Variants in ADCY2 observed in about 807,000 individuals in gnomAD.
ADCY2 encodes the protein adenylate cyclase type 2.
In ADCY2, 31 loss-of-function variants were observed where a neutral mutation model predicts 125.2. The ratio of observed to expected loss-of-function variants is 0.25; its 90% confidence interval spans 0.19 to 0.33. The LOEUF (loss-of-function observed/expected upper bound fraction) is 0.33. Ranked by LOEUF, ADCY2 falls within the 10% of genes least tolerant of loss-of-function variation. The probability of loss-of-function intolerance (pLI) is 1.00; values close to 1 mark genes in which losing one functional copy is unlikely to be tolerated. For synonymous variants in ADCY2, 512 were observed against 548.4 expected (o/e 0.93, Z 0.93); for missense variants, 904 against 1,418.2 (o/e 0.64, Z 5.82).
chr5:7,484,784 A>T (rs1579491087), intron 2 of ADCY2, among the ~76,000 whole-genome samples: 1 of 152,106 alleles, frequency 6.6e-6, no homozygotes, highest in South Asian at 2.1e-4. Flanking sequence ...TCTCTTCTGC[A>T]TCCTAAAAAT....
chr5:7,564,323 G>C (rs1735818793), intron 3 of ADCY2, among the ~76,000 whole-genome samples: 1 of 152,178 alleles, frequency 6.6e-6, no homozygotes, highest in Admixed American at 6.5e-5. Flanking sequence ...ATTGTAATGA[G>C]GGATGTATTA....
In ADCY2 at chr5:7,757,440, T is replaced by C. The variant is rs73047014; in HGVS notation, c.1957-9T>C. ...CAATGCTTCTCTTTTTCTTTCTCTC[T>C]TCTCCTAGCAATGCAGCAAAAAAGC... On this transcript the variant is annotated splice_polypyrimidine_tract_variant and intron_variant, in intron 15 of 24. Coordinates refer to ENST00000338316, the MANE Select transcript of ADCY2 (RefSeq NM_020546.3). 3.7e-4 allele frequency: 590 copies of C among 1,611,786 alleles called. 2 individuals are homozygous for C. In the African/African-American group the frequency reaches 6.4e-3, roughly 17 times the overall value.
chr5:7,788,648 G>A (rs1744157434), intron 19 of ADCY2, among the ~76,000 whole-genome samples: 1 of 152,168 alleles, frequency 6.6e-6, no homozygotes, highest in African/African-American at 2.4e-5. Context: ...ATTTCAAAAT[G>A]TGGATTTTAA....
At chr5:7,625,721 G>T (rs572087705) in intron 3 of ADCY2, among the ~76,000 whole-genome samples, 11 of 152,270 alleles carry the variant, frequency 7.2e-5, no homozygotes, top group African/African-American at 2.2e-4. Flanking sequence ...CACAATAATA[G>T]ACTGCAGGTT....
chr5:7,646,929 T>C (rs920718341), intron 4 of ADCY2, among the ~76,000 whole-genome samples: 7 of 152,312 alleles, frequency 4.6e-5, no homozygotes, highest in Admixed American at 3.9e-4. Flanking sequence ...CAGGTTTTAT[T>C]TGGGAACACT....
chr5:7,441,033 A>T (rs1282605500), intron 2 of ADCY2, among the ~76,000 whole-genome samples: 1 of 152,170 alleles, frequency 6.6e-6, no homozygotes, highest in African/African-American at 2.4e-5. Flanking sequence ...CCTTTGGAGG[A>T]TGGGAGCTCA....
chr5:7,748,523 C>CACACACACACACACACAG (rs1742703914), intron 15 of ADCY2, among the ~76,000 whole-genome samples: 1 of 42,434 alleles, frequency 2.4e-5, no homozygotes, highest in African/African-American at 5.5e-5. Context: ...CCCTCCAACA[C>CACACACACACACACACAG]ACACACACAC....
intron 4 of ADCY2, among the ~76,000 whole-genome samples, chr5:7,662,503 C>A (rs1002200980): frequency 6.6e-6 from 1 of 152,234 alleles, no homozygotes; most frequent in Non-Finnish European, 1.5e-5. Context: ...TCCTGCCTCT[C>A]TCTGCATGGC....
At chr5:7,732,624 C>T (rs376877793) in intron 14 of ADCY2, among the ~76,000 whole-genome samples, 1 of 152,226 alleles carries the variant, frequency 6.6e-6, no homozygotes, top group East Asian at 1.9e-4. Flanking sequence ...GTGGCTCTCA[C>T]TTCTGTTGAC....
At chr5:7,650,435 G>A (rs1179676555) in intron 4 of ADCY2, among the ~76,000 whole-genome samples, 2 of 152,018 alleles carry the variant, frequency 1.3e-5, no homozygotes, top group African/African-American at 4.8e-5. Flanking sequence ...AATTAGATTC[G>A]ATTAAGTAAA....
At position 7,802,084 on chromosome 5, in the gene ADCY2, G is replaced by A. The variant is rs1744614694; in HGVS notation, c.2629-134G>A. The A allele has an allele frequency of 1.0e-6, 1 of 977,046 alleles. No homozygotes were observed. Among genetic ancestry groups the A allele is most frequent in the African/African-American group, 1.6e-5 (1 of 61,430 alleles). 60.5% of individuals were successfully genotyped at this position (977,046 alleles called of 1,614,324 possible). ...GCAGCATCTGGATTGGGCCGCGGCT[G>A]GGGTGGGGCAAGTGGAGTAGGCATT... On this transcript the variant is annotated intron_variant, in intron 20 of 24. Transcript: ENST00000338316. This position sits in a 1 kb window ranked among gnomAD's most constrained non-coding sequence, Gnocchi z 4.6.
intron 2 of ADCY2, among the ~76,000 whole-genome samples, chr5:7,488,951 C>T (rs1352413294): frequency 1.3e-5 from 2 of 152,222 alleles, no homozygotes; most frequent in Non-Finnish European, 2.9e-5. Context: ...AATGAGTCAT[C>T]TGTCCCTCAT....
intron 2 of ADCY2, among the ~76,000 whole-genome samples, chr5:7,444,439 T>A (rs1741153565): frequency 6.6e-6 from 1 of 150,620 alleles, no homozygotes; most frequent in East Asian, 1.9e-4. Flanking sequence ...TAGTTACTCC[T>A]TTTTTTTCCT....
At chr5:7,659,289 C>G (rs1739446375) in intron 4 of ADCY2, among the ~76,000 whole-genome samples, 2 of 152,218 alleles carry the variant, frequency 1.3e-5, no homozygotes, top group Admixed American at 6.5e-5. Flanking sequence ...TTACATACAT[C>G]TCTCCAATGC....
chr5:7,820,098 A>T (rs1279688037), intron 23 of ADCY2, among the ~76,000 whole-genome samples: 1 of 152,228 alleles, frequency 6.6e-6, no homozygotes, highest in African/African-American at 2.4e-5. Context: ...TGAGTATGCC[A>T]CAAAATCAAA....
At chr5:7,686,903 A>T (rs1247093800) in intron 4 of ADCY2, among the ~76,000 whole-genome samples, 1 of 152,128 alleles carries the variant, frequency 6.6e-6, no homozygotes, top group East Asian at 1.9e-4. Flanking sequence ...CTTTTTTTGG[A>T]AACTCATTCA....
intron 4 of ADCY2, among the ~76,000 whole-genome samples, chr5:7,643,967 A>G (rs527788847): frequency 2.0e-5 from 3 of 151,834 alleles, no homozygotes; most frequent in Non-Finnish European, 2.9e-5. Flanking sequence ...CATTTTAACA[A>G]TATAATTATT....
At chr5:7,531,164 A>C (rs1734627585) in intron 3 of ADCY2, among the ~76,000 whole-genome samples, 1 of 152,186 alleles carries the variant, frequency 6.6e-6, no homozygotes, top group African/African-American at 2.4e-5. Flanking sequence ...AGAGGGAAAA[A>C]TACAAGAGTA....
At chr5:7,568,483 G>C (rs34818287) in intron 3 of ADCY2, among the ~76,000 whole-genome samples, 4 of 151,738 alleles carry the variant, frequency 2.6e-5, no homozygotes, top group African/African-American at 7.3e-5. Flanking sequence ...TGTTGTATGA[G>C]TGCTTTGTCT....
Sources: gnomAD v4.1 joint callset for allele counts (sites outside exome capture counted in the v4.1 genomes callset) on GRCh38, gnomAD v4.1.1 for gene constraint, Gnocchi (gnomAD v3.1) non-coding constraint, MANE v1.5 for transcripts, NCBI Gene and HGNC (gene_info 2026-07-23, HGNC 2026-07-21) for gene names.